The following WLS variants were observed in gnomAD, a reference collection of about 807,000 sequenced individuals.
WLS encodes Wnt ligand secretion mediator, also known as protein wntless homolog.
In WLS, 23 loss-of-function variants were observed where a neutral mutation model predicts 62.8. That is an observed-to-expected ratio of 0.37 (90% CI 0.26 to 0.52). WLS has a LOEUF of 0.52. Ranked by LOEUF, WLS falls within the 20% of genes least tolerant of loss-of-function variation. The pLI is 0.92. For missense variants in WLS, 615 were observed against 697.3 expected (o/e 0.88, Z 1.33); for synonymous variants, 246 against 244.1 (o/e 1.01, Z -0.07).
At chr1:68,221,486 C>A (rs1344841481) in intron 1 of WLS, among the ~76,000 whole-genome samples, 1 of 152,200 alleles carries the variant, frequency 6.6e-6, no homozygotes, top group Non-Finnish European at 1.5e-5. Context: ...CAAGCCAGAA[C>A]TAGCTCAACA....
intron 11 of WLS, among the ~76,000 whole-genome samples, chr1:68,132,058 G>C (rs577807284): frequency 6.2e-4 from 94 of 152,194 alleles, no homozygotes; most frequent in Admixed American, 1.9e-3. Context: ...GAAGCCGAAG[G>C]TTCTTCCCAA....
chr1:68,179,580 C>T (rs1344426854), intron 2 of WLS, among the ~76,000 whole-genome samples: 1 of 152,122 alleles, frequency 6.6e-6, no homozygotes, highest in Non-Finnish European at 1.5e-5. Flanking sequence ...ACTTCACCCC[C>T]ACTAACTTAA....
intron 2 of WLS, among the ~76,000 whole-genome samples, chr1:68,189,662 C>A (rs1648178168): frequency 6.6e-6 from 1 of 152,094 alleles, no homozygotes; most frequent in Non-Finnish European, 1.5e-5. Context: ...GGAAAAATGG[C>A]TGAATTTCAG....
At chr1:68,129,478 G>A (rs1646486680) in intron 11 of WLS, among the ~76,000 whole-genome samples, 1 of 152,172 alleles carries the variant, frequency 6.6e-6, no homozygotes, top group African/African-American at 2.4e-5. Context: ...CACTGTTAGG[G>A]GTTTAGCATG....
intron 11 of WLS, among the ~76,000 whole-genome samples, chr1:68,112,030 G>A (rs996713831): frequency 1.3e-5 from 2 of 152,200 alleles, no homozygotes; most frequent in Non-Finnish European, 2.9e-5. Context: ...CTCTGGGAAT[G>A]TACAGTATTC....
At chr1:68,215,693 T>C (rs934439490) in intron 1 of WLS, among the ~76,000 whole-genome samples, 1 of 152,202 alleles carries the variant, frequency 6.6e-6, no homozygotes, top group Non-Finnish European at 1.5e-5. Flanking sequence ...TGTCCAACAA[T>C]AGATTGAGCA....
intron 3 of WLS, among the ~76,000 whole-genome samples, chr1:68,157,687 A>G (rs575408510): frequency 2.0e-5 from 3 of 152,316 alleles, no homozygotes; most frequent in Non-Finnish European, 2.9e-5. Context: ...CAAAAAGCAG[A>G]GACTTGATGA....
At chr1:68,223,870 G>A (rs1207394122) in intron 1 of WLS, among the ~76,000 whole-genome samples, 1 of 152,128 alleles carries the variant, frequency 6.6e-6, no homozygotes, top group African/African-American at 2.4e-5. Context: ...TCTTTTGGAG[G>A]GGGTCAGCCA....
chr1:68,186,718 C>A (rs1557505975), intron 2 of WLS: 1 of 453,806 alleles, frequency 2.2e-6, no homozygotes, highest in East Asian at 7.0e-5. Context: ...ATTCTTAATA[C>A]CAAAATCAGA....
chr1:68,195,728 C>T (rs2100609974), intron 1 of WLS, among the ~76,000 whole-genome samples: 1 of 152,104 alleles, frequency 6.6e-6, no homozygotes, highest in South Asian at 2.1e-4. Context: ...TCCCCCCATG[C>T]TTTTGTGTTT....
At chr1:68,216,741 A>C (rs1304960215) in intron 1 of WLS, among the ~76,000 whole-genome samples, 1 of 152,212 alleles carries the variant, frequency 6.6e-6, no homozygotes, top group Non-Finnish European at 1.5e-5. Context: ...CAGCAGCATG[A>C]ACAAGTAGAG....
At chr1:68,144,533 A>C (rs1264543980) in intron 10 of WLS, 36 bp downstream of exon 10, 1 of 1,592,564 alleles carries the variant, frequency 6.3e-7, no homozygotes, top group Admixed American at 1.7e-5. Context: ...ATCTCTGCAG[A>C]GACATTCTCA....
chr1:68,208,355 C>A (rs2566794), intron 1 of WLS, among the ~76,000 whole-genome samples: 2,531 of 139,804 alleles, frequency 0.018, 75 homozygotes, highest in African/African-American at 0.062. Context: ...CCCTCACCTG[C>A]CCCCCGATGA....
chr1:68,169,758 C>G (rs142195462), intron 2 of WLS, among the ~76,000 whole-genome samples: 1 of 152,358 alleles, frequency 6.6e-6, no homozygotes, highest in East Asian at 1.9e-4. Flanking sequence ...TTCTAAAACA[C>G]TTTCAATGCC....
chr1:68,133,996 A>C (rs1295354944), intron 11 of WLS, among the ~76,000 whole-genome samples: 1 of 152,226 alleles, frequency 6.6e-6, no homozygotes, highest in Non-Finnish European at 1.5e-5. Flanking sequence ...CTTCAAAGCA[A>C]AGGAGAGAAA....
chr1:68,189,181 G>A (rs1648146018), intron 2 of WLS, among the ~76,000 whole-genome samples: 1 of 152,126 alleles, frequency 6.6e-6, no homozygotes, highest in Non-Finnish European at 1.5e-5. Context: ...TAGATCAACT[G>A]CTATGTATTA....
Position 68,153,572 on chromosome 1 carries a change from C to G in WLS, c.748G>C (p.Val250Leu). Residue 250 changes from valine (V) to leucine (L), a missense_variant, in exon 5 of 12, where the codon GTG becomes CTG. Coordinates refer to ENST00000262348, the MANE Select transcript of WLS (RefSeq NM_024911.7). ...FLTPSIFIIMVWYWRRITMMS... is the reference protein window; with the variant it reads ...FLTPSIFIIMLWYWRRITMMS... ...ATGGTGATCCTCCTCCAATACCACA[C>G]CATAATGATGAAGATGCTGGGCGTA... 1.2e-6 allele frequency: 2 copies of G among 1,614,180 alleles called. No homozygotes were observed.
At chr1:68,221,774 T>C (rs1297487997) in intron 1 of WLS, among the ~76,000 whole-genome samples, 14 of 152,162 alleles carry the variant, frequency 9.2e-5, no homozygotes, top group Admixed American at 9.2e-4. Flanking sequence ...CAGAAAAACA[T>C]AGTGCTTCGT....
chr1:68,162,586 C>T, intron 2 of WLS: 2 of 1,472,184 alleles, frequency 1.4e-6, no homozygotes, highest in South Asian at 1.1e-5. Flanking sequence ...GGCCAACTCG[C>T]GGTTCTGCTC....
Sources: gnomAD v4.1 joint callset for allele counts (sites outside exome capture counted in the v4.1 genomes callset) on GRCh38, gnomAD v4.1.1 for gene constraint, MANE v1.5 for transcripts, NCBI Gene and HGNC (gene_info 2026-07-23, HGNC 2026-07-21) for gene names.